The following LAMC1 variants were observed in gnomAD, a reference collection of about 807,000 sequenced individuals.
The protein encoded by LAMC1 is laminin subunit gamma-1.
A neutral mutation model predicts 173.6 loss-of-function variants in LAMC1; 38 were observed. That is an observed-to-expected ratio of 0.22 (90% CI 0.17 to 0.29). The LOEUF is 0.29. Among genes scored for constraint, LAMC1 ranks in the 10% least tolerant of loss-of-function variants. LAMC1 has a pLI of 1.00. For missense variants in LAMC1, 1,824 were observed against 2,051.8 expected (o/e 0.89, Z 2.14); for synonymous variants, 746 against 749.1 (o/e 1.00, Z 0.07).
chr1:183,117,369 C>A lies in LAMC1; in HGVS notation c.1614C>A (p.Leu538=). ...AEQRDGSEAS[L]EWSSERQDIA... ...AGAGAGATGGCTCTGAAGCATCTCT[C>A]GAGTGGTCCTCTGAGAGGCAAGATA... Residue 538 remains leucine, a synonymous_variant, in exon 9 of 28, where the codon CTC becomes CTA. Transcript: ENST00000258341. 1 of 1,613,646 alleles carries A rather than the reference C, an allele frequency of 6.2e-7. No homozygotes were observed. Among genetic ancestry groups the A allele is most frequent in the Non-Finnish European group, 8.5e-7 (1 of 1,179,614 alleles).
At chr1:183,075,177 G>A (rs1221284418) in intron 1 of LAMC1, among the ~76,000 whole-genome samples, 4 of 150,510 alleles carry the variant, frequency 2.7e-5, no homozygotes, top group Non-Finnish European at 5.9e-5. Flanking sequence ...CCAGGCTGGA[G>A]TGTAGTAGTG....
chr1:183,065,082 A>G (rs1256066839), intron 1 of LAMC1, among the ~76,000 whole-genome samples: 6 of 152,178 alleles, frequency 3.9e-5, no homozygotes, highest in Non-Finnish European at 8.8e-5. Flanking sequence ...TTATAACTGA[A>G]CAGTGTTGAA....
chr1:183,046,320 G>T (rs1030723164), intron 1 of LAMC1, among the ~76,000 whole-genome samples: 1 of 151,994 alleles, frequency 6.6e-6, no homozygotes, highest in Non-Finnish European at 1.5e-5. Flanking sequence ...GTTTAGGCCT[G>T]TGCTTATCCA....
intron 1 of LAMC1, among the ~76,000 whole-genome samples, chr1:183,046,577 A>G (rs760994584): frequency 6.6e-5 from 10 of 151,892 alleles, no homozygotes; most frequent in Non-Finnish European, 1.5e-4. Flanking sequence ...TTTTATTGCT[A>G]TTATAATTTT....
intron 1 of LAMC1, among the ~76,000 whole-genome samples, chr1:183,074,626 A>G (rs1387362497): frequency 6.6e-6 from 1 of 152,226 alleles, no homozygotes; most frequent in Admixed American, 6.5e-5. Context: ...AGAGGAGGCT[A>G]AGTACTTACT....
intron 20 of LAMC1, 75 bp downstream of exon 20, chr1:183,131,453 GTGTGTGTATT>G (rs1436562831): frequency 4.5e-5 from 47 of 1,040,630 alleles, no homozygotes; most frequent in African/African-American, 3.4e-4. Flanking sequence ...GTGTGTGTGT[GTGTGTGTATT>G]GTCTTATCCC....
At chr1:183,063,834 CTTAAT>C (rs1654799563) in intron 1 of LAMC1, among the ~76,000 whole-genome samples, 1 of 152,104 alleles carries the variant, frequency 6.6e-6, no homozygotes, top group Non-Finnish European at 1.5e-5. Context: ...GGATAATGCT[CTTAAT>C]TTTATTAATT....
chr1:183,116,830 C>T lies in LAMC1; in HGVS notation c.1491C>T (p.Cys497=). 1 of 1,613,924 alleles carries T rather than the reference C, an allele frequency of 6.2e-7. No homozygotes were observed. ...CTCGGGGTTGCACACCCTGCTTCTG[C>T]TTTGGGCATTCTTCTGTCTGTACAA... ...SNPRGCTPCF[C]FGHSSVCTNA... is the part of the protein sequence containing the mutation. Residue 497 remains cysteine (C), a synonymous_variant, in exon 8 of 28, where the codon TGC becomes TGT. Coordinates refer to ENST00000258341, the MANE Select transcript of LAMC1 (RefSeq NM_002293.4).
chr1:183,047,390 T>C (rs1333700835), intron 1 of LAMC1, among the ~76,000 whole-genome samples: 3 of 152,194 alleles, frequency 2.0e-5, no homozygotes, highest in African/African-American at 7.2e-5. Flanking sequence ...TTCTGAGATA[T>C]TTTAGGTCAG....
At chr1:183,099,547 T>C (rs1386769819) in intron 1 of LAMC1, among the ~76,000 whole-genome samples, 1 of 152,144 alleles carries the variant, frequency 6.6e-6, no homozygotes, top group Admixed American at 6.5e-5. Flanking sequence ...CTCAAAACCA[T>C]CTTTCCTTGG....
chr1:183,064,989 G>A (rs894997117), intron 1 of LAMC1, among the ~76,000 whole-genome samples: 2 of 151,964 alleles, frequency 1.3e-5, no homozygotes, highest in African/African-American at 4.8e-5. Context: ...CACATATTTG[G>A]GATGTGCACA....
intron 1 of LAMC1, among the ~76,000 whole-genome samples, chr1:183,043,774 G>A (rs1033355198): frequency 1.3e-5 from 2 of 152,142 alleles, no homozygotes; most frequent in Non-Finnish European, 2.9e-5. Flanking sequence ...TTGTAAAAAG[G>A]TGTTGCCTTT....
intron 7 of LAMC1, 39 bp downstream of exon 7, chr1:183,116,714 T>C (rs1488364671): frequency 6.2e-7 from 1 of 1,610,386 alleles, no homozygotes; most frequent in African/African-American, 1.3e-5. Context: ...TGTTTTCTGT[T>C]ACCATATTTC....
chr1:183,048,446 A>G (rs191028220), intron 1 of LAMC1, among the ~76,000 whole-genome samples: 1 of 152,254 alleles, frequency 6.6e-6, no homozygotes, highest in Non-Finnish European at 1.5e-5. Flanking sequence ...CTATCCTTTC[A>G]TTTCCTGTAT....
chr1:183,035,729 A>G (rs918682220), intron 1 of LAMC1, among the ~76,000 whole-genome samples: 1 of 152,094 alleles, frequency 6.6e-6, no homozygotes, highest in Non-Finnish European at 1.5e-5. Flanking sequence ...GTCACATAAC[A>G]TGGCTGTTTT....
At chr1:183,068,039 A>G (rs1225852956) in intron 1 of LAMC1, among the ~76,000 whole-genome samples, 1 of 152,200 alleles carries the variant, frequency 6.6e-6, no homozygotes, top group African/African-American at 2.4e-5. Flanking sequence ...CCCAAAGCAT[A>G]ATGGGAGTTG....
At chr1:183,070,088 C>T (rs957916315) in intron 1 of LAMC1, among the ~76,000 whole-genome samples, 8 of 152,126 alleles carry the variant, frequency 5.3e-5, no homozygotes, top group African/African-American at 2.4e-5. Context: ...GTGGCATGTG[C>T]GTGGAATTAG....
rs1049313479 is a variant in LAMC1, at chr1:183,062,678, G to A, written c.418+38544G>A. Among the ~76,000 whole-genome samples the A allele has an allele frequency of 1.6e-4, 24 of 152,192 alleles. No homozygotes were observed. The East Asian group carries it at 4.4e-3, about 28-fold the overall frequency. The stretch of plus-strand genomic sequence containing the variant: ...AAAAACTTTTATTTACTGGCCGGGT[G>A]CAGTGGCTCACGCCTGTAATCCTAG... On this transcript the variant is annotated intron_variant, in intron 1 of 27. Coordinates refer to ENST00000258341, the MANE Select transcript of LAMC1 (RefSeq NM_002293.4).
chr1:183,045,317 A>G (rs1654239525), intron 1 of LAMC1, among the ~76,000 whole-genome samples: 1 of 152,046 alleles, frequency 6.6e-6, no homozygotes, highest in African/African-American at 2.4e-5. Flanking sequence ...CTCTAGGGAC[A>G]TTTCTTCCAA....
Sources: gnomAD v4.1 joint callset for allele counts (sites outside exome capture counted in the v4.1 genomes callset) on GRCh38, gnomAD v4.1.1 for gene constraint, MANE v1.5 for transcripts, NCBI Gene and HGNC (gene_info 2026-07-23, HGNC 2026-07-21) for gene names.